The following RPA3 variants were observed in gnomAD, a reference collection of about 807,000 sequenced individuals.
RPA3 encodes replication protein A3.
RPA3 carries 24 observed loss-of-function variants against 13.7 expected under a neutral mutation model. That is an observed-to-expected ratio of 1.75 (90% confidence interval 1.27 to 2.46). The LOEUF (loss-of-function observed/expected upper bound fraction) is 2.46, where lower values mean the gene tolerates loss of function less well. RPA3 is among the 30% of genes most tolerant of loss of function. The pLI is 0.00. For synonymous variants in RPA3, 59 were observed against 51.2 expected, an observed-to-expected ratio of 1.15 and a Z score of -0.65; for missense variants, 183 against 151.0, an observed-to-expected ratio of 1.21 and a Z score of -1.11.
At chr7:7,648,411 T>C (rs905047955) in intron 4 of RPA3, among the ~76,000 whole-genome samples, 2 of 152,230 alleles carry the variant, frequency 1.3e-5, no homozygotes, top group Non-Finnish European at 2.9e-5. Context: ...CAGGTGTGTC[T>C]GTCTTGTAAA....
intron 4 of RPA3, among the ~76,000 whole-genome samples, chr7:7,651,531 C>T (rs1785223728): frequency 6.6e-6 from 1 of 152,136 alleles, no homozygotes; most frequent in Non-Finnish European, 1.5e-5. Flanking sequence ...TCCCTATGGC[C>T]ATTGCTTTGG....
At chr7:7,686,673 C>T (rs1182769029) in intron 3 of RPA3, among the ~76,000 whole-genome samples, 4 of 152,142 alleles carry the variant, frequency 2.6e-5, no homozygotes, top group Admixed American at 6.5e-5. Flanking sequence ...GATAATTTAA[C>T]CTTTTAAATC....
intron 4 of RPA3, among the ~76,000 whole-genome samples, chr7:7,656,195 T>C (rs1167182380): frequency 2.6e-5 from 4 of 152,026 alleles, no homozygotes; most frequent in Admixed American, 6.6e-5. Flanking sequence ...GTATACACCA[T>C]TGTAAAAGCT....
chr7:7,642,712 C>A (rs1234548615), intron 4 of RPA3, among the ~76,000 whole-genome samples: 1 of 152,018 alleles, frequency 6.6e-6, no homozygotes, highest in South Asian at 2.1e-4. Context: ...GAAATGAATC[C>A]ATGGGGCCTG....
chr7:7,717,056 T>TTTC (rs1780929553), intron 1 of RPA3, among the ~76,000 whole-genome samples: 2 of 149,700 alleles, frequency 1.3e-5, no homozygotes, highest in Admixed American at 6.6e-5. Flanking sequence ...TTCTTTCTTT[T>TTTC]TTTCTTTTTT....
intron 2 of RPA3, chr7:7,689,365 C>G (rs1446677739): frequency 6.6e-6 from 1 of 152,108 alleles, no homozygotes; most frequent in Non-Finnish European, 1.5e-5. Flanking sequence ...GGTCACATGT[C>G]GAAGATGGCA....
intron 2 of RPA3, among the ~76,000 whole-genome samples, chr7:7,689,814 ATGT>A (rs1416045703): frequency 1.3e-5 from 2 of 152,184 alleles, no homozygotes; most frequent in African/African-American, 2.4e-5. Context: ...GCCATCAGAA[ATGT>A]TGTGCATTTT....
intron 2 of RPA3, among the ~76,000 whole-genome samples, chr7:7,687,863 A>G (rs1780076850): frequency 6.6e-6 from 1 of 152,226 alleles, no homozygotes; most frequent in Non-Finnish European, 1.5e-5. Flanking sequence ...TCAAATAACT[A>G]AGCTGTAAAT....
At chr7:7,685,159 G>T (rs909390034) in intron 4 of RPA3, among the ~76,000 whole-genome samples, 9 of 152,048 alleles carry the variant, frequency 5.9e-5, no homozygotes, top group African/African-American at 1.4e-4. Context: ...TTCATATAGG[G>T]TTGGAAGACC....
chr7:7,664,137 G>C (rs1042145002), intron 4 of RPA3, among the ~76,000 whole-genome samples: 7 of 152,146 alleles, frequency 4.6e-5, no homozygotes, highest in Non-Finnish European at 7.4e-5. Context: ...TGGATTTCCA[G>C]TTTGTCTTGG....
intron 4 of RPA3, chr7:7,676,096 C>A: frequency 2.5e-6 from 1 of 398,668 alleles, no homozygotes; most frequent in Non-Finnish European, 4.4e-6. Context: ...CTTCCTTCTT[C>A]CGCAGAAGCA....
chr7:7,677,126 G>A (rs717841), intron 4 of RPA3, among the ~76,000 whole-genome samples: 99,412 of 151,916 alleles, frequency 0.65, 32,703 homozygotes, highest in East Asian at 0.87. Flanking sequence ...TTATGGGTCC[G>A]TAATAGTTGT....
At chr7:7,700,816 A>G (rs576862582) in intron 2 of RPA3, among the ~76,000 whole-genome samples, 61 of 152,254 alleles carry the variant, frequency 4.0e-4, no homozygotes, top group Non-Finnish European at 6.8e-4. Flanking sequence ...TGAGCCCAGG[A>G]AGTGGAGGTT....
At chr7:7,673,548 T>C in intron 4 of RPA3, 2 of 645,438 alleles carry the variant, frequency 3.1e-6, no homozygotes, top group Non-Finnish European at 5.5e-6. Flanking sequence ...TTATTTCTTA[T>C]AATTTCAGAA....
chr7:7,656,273 C>T (rs1199805091), intron 4 of RPA3, among the ~76,000 whole-genome samples: 1 of 152,000 alleles, frequency 6.6e-6, no homozygotes, highest in Non-Finnish European at 1.5e-5. Flanking sequence ...AATGTAAAGT[C>T]TCTTGCTGTT....
intron 2 of RPA3, among the ~76,000 whole-genome samples, chr7:7,694,719 A>C (rs113028160): frequency 6.6e-6 from 1 of 152,168 alleles, no homozygotes; most frequent in South Asian, 2.1e-4. Context: ...ACAGGATCTC[A>C]TTCTTCTTTA....
At chr7:7,637,649 G>C (rs999359460) in intron 7 of RPA3, among the ~76,000 whole-genome samples, 2 of 150,228 alleles carry the variant, frequency 1.3e-5, no homozygotes, top group Non-Finnish European at 3.0e-5. Context: ...CAAAATGTAT[G>C]TTAAAACATA....
chr7:7,705,438 A>G (rs1780574052), intron 2 of RPA3, among the ~76,000 whole-genome samples: 1 of 152,226 alleles, frequency 6.6e-6, no homozygotes, highest in Admixed American at 6.5e-5. Context: ...GTTTAAGTTA[A>G]TGTAATTGGT....
chr7:7,702,231 T>C (rs553439901), intron 2 of RPA3, among the ~76,000 whole-genome samples: 1 of 152,320 alleles, frequency 6.6e-6, no homozygotes, highest in African/African-American at 2.4e-5. Flanking sequence ...ATTTCACATT[T>C]TAAAACTAAA....
Sources: gnomAD v4.1 joint callset for allele counts (sites outside exome capture counted in the v4.1 genomes callset) on GRCh38, gnomAD v4.1.1 for gene constraint, MANE v1.5 for transcripts, NCBI Gene and HGNC (gene_info 2026-07-23, HGNC 2026-07-21) for gene names.